Variants in CSMD2 observed in about 807,000 individuals in gnomAD.
The protein encoded by CSMD2 is CUB and Sushi multiple domains 2.
A neutral mutation model predicts 398.5 loss-of-function variants in CSMD2; 130 were observed. The observed-to-expected ratio is 0.33, with a 90% CI of 0.28 to 0.38. CSMD2 has a LOEUF of 0.38. CSMD2 is among the 10% of genes least tolerant of loss of function. The pLI is 1.00. For missense variants in CSMD2, 3,829 were observed against 4,764.9 expected, an observed-to-expected ratio of 0.80 and a Z score of 5.78; for synonymous variants, 1,828 against 1,908.5, an observed-to-expected ratio of 0.96 and a Z score of 1.10.
intron 70 of CSMD2, among the ~76,000 whole-genome samples, chr1:33,517,043 C>A (rs1015122557): frequency 6.6e-6 from 1 of 151,992 alleles, no homozygotes; most frequent in Non-Finnish European, 1.5e-5. Flanking sequence ...TGGCAAACAT[C>A]ATCACACAGC....
intron 5 of CSMD2, among the ~76,000 whole-genome samples, chr1:33,850,619 A>G (rs918159628): frequency 9.9e-5 from 15 of 152,180 alleles, no homozygotes; most frequent in African/African-American, 3.6e-4. Flanking sequence ...AGAGAAACAC[A>G]AAGAGAGATT....
At chr1:34,047,932 A>T (rs1652722793) in intron 2 of CSMD2, among the ~76,000 whole-genome samples, 1 of 152,228 alleles carries the variant, frequency 6.6e-6, no homozygotes, top group Admixed American at 6.5e-5. Context: ...ATGACTGCTT[A>T]ATTACCAGTC....
At position 33,519,388 on chromosome 1, in the gene CSMD2, T is replaced by C. The variant is rs999745624; in HGVS notation, c.*53+77A>G. On this transcript the variant is annotated intron_variant, in intron 70 of 70. Coordinates refer to ENST00000373381, the MANE Select transcript of CSMD2 (RefSeq NM_001281956.2). This position sits in a 1 kb window ranked among gnomAD's most constrained non-coding sequence, Gnocchi z 5.6. ...TGTCTATGTGGTGTGTGCGACTCCG[T>C]TGGGTGGAGCCCCTGGCACGCATAG... is the stretch of plus-strand genomic sequence containing the variant. The C allele has an allele frequency of 2.6e-5, 23 of 870,140 alleles. No individual in the cohort carries two copies. Among genetic ancestry groups the C allele is most frequent in the Admixed American group, 4.4e-5 (2 of 45,510 alleles). 53.9% of individuals were successfully genotyped at this position (870,140 alleles called of 1,614,324 possible). A position where few individuals can be genotyped will look rare whatever the true frequency, so the allele number is the denominator to read the frequency against.
At chr1:34,031,252 G>A (rs930701791) in intron 3 of CSMD2, among the ~76,000 whole-genome samples, 4 of 151,922 alleles carry the variant, frequency 2.6e-5, no homozygotes, top group Admixed American at 1.3e-4. Flanking sequence ...CAGTAGAGAC[G>A]GGATTTTGTC....
chr1:33,557,654 A>ATG, intron 55 of CSMD2, 80 bp downstream of exon 55: 1 of 1,205,214 alleles, frequency 8.3e-7, no homozygotes. Context: ...ACACACACAC[A>ATG]CACACATGCA....
chr1:34,143,854 A>C (rs1639528123), intron 1 of CSMD2, among the ~76,000 whole-genome samples: 1 of 152,150 alleles, frequency 6.6e-6, no homozygotes, highest in Admixed American at 6.5e-5. Flanking sequence ...GCCCGGCCCT[A>C]ATCTGACATC....
intron 5 of CSMD2, among the ~76,000 whole-genome samples, chr1:33,890,059 G>T (rs1040205533): frequency 6.6e-6 from 1 of 150,884 alleles, no homozygotes; most frequent in African/African-American, 2.4e-5. Flanking sequence ...AAAAGAGAAA[G>T]AAATGAATCA....
rs1351794990 is a variant in CSMD2, at chr1:33,514,584, C to T, written c.*2040G>A. 1 of 61,364 alleles carries T rather than the reference C, an allele frequency of 1.6e-5. No individual in the cohort carries two copies. The highest frequency in any genetic ancestry group is 3.1e-5 in the Non-Finnish European group (1 of 31,774). The allele number at this position is 61,364 out of a possible 1,614,324, so 3.8% of individuals were successfully genotyped here. A position where few individuals can be genotyped will look rare whatever the true frequency, so the allele number is the denominator to read the frequency against. On this transcript the variant is annotated 3_prime_UTR_variant, in exon 71 of 71. Transcript: ENST00000373381. ...GGAGACGCAGGGGAGGGGTGGGGGG[C>T]GGGAATAGGCATCCGCTGGGTGGTC...
chr1:34,043,177 GC>G lies in CSMD2; in HGVS notation c.405-10472del, dbSNP rs535944702. Among the ~76,000 whole-genome samples, 282 of 152,258 alleles carry G rather than the reference GC, an allele frequency of 1.9e-3. 1 individual carries two copies. The highest frequency in any genetic ancestry group is 6.6e-3 in the African/African-American group (274 of 41,556). On this transcript the variant is annotated intron_variant, in intron 2 of 70. Transcript: ENST00000373381. The stretch of plus-strand genomic sequence containing the variant: ...CTGACCTCGTGATCCACCTGCCCCA[GC>G]CTCCCTAAGTGCTGGGATTACAGGC...
intron 66 of CSMD2, among the ~76,000 whole-genome samples, chr1:33,524,434 T>C (rs78369363): frequency 0.013 from 1,933 of 152,352 alleles, 44 homozygotes; most frequent in African/African-American, 0.04. Flanking sequence ...TTTTAGAATT[T>C]GGCGTTCATG....
intron 6 of CSMD2, chr1:33,839,984 T>A (rs1311352018): frequency 6.6e-6 from 1 of 152,134 alleles, no homozygotes; most frequent in Non-Finnish European, 1.5e-5. Flanking sequence ...GAAAAAATAA[T>A]CATCAACTCA....
rs752352184 is a variant in CSMD2, at chr1:33,625,112, G to T, written c.5439C>A (p.Ile1813=). Residue 1813 remains isoleucine (I), a synonymous_variant, in exon 34 of 71, where the codon ATC becomes ATA. Transcript: ENST00000373381. ...SGYALQGSPE[I]ECLPVPGALA... ...AGGCCCCAGGCACAGGGAGGCACTC[G>T]ATCTCTGGCGACCCCTGCAGGGCAT... The T allele has an allele frequency of 3.1e-6, 5 of 1,614,088 alleles. No homozygotes were observed. The highest frequency in any genetic ancestry group is 1.1e-5 in the South Asian group (1 of 91,078).
In CSMD2 at chr1:34,061,469, G is replaced by A. The variant is rs181011797; in HGVS notation, c.404+27508C>T. On this transcript the variant is annotated intron_variant, in intron 2 of 70. Transcript: ENST00000373381. Reference sequence around the variant, plus strand: ...CCCTGGCTCCTCTCTAGCACCCAGGGCCACCACTCACTGCTTCTCTGCTAT... The same window carrying A: ...CCCTGGCTCCTCTCTAGCACCCAGGACCACCACTCACTGCTTCTCTGCTAT... Among the ~76,000 whole-genome samples, 159 of 152,118 alleles carry A rather than the reference G, an allele frequency of 1.0e-3. 1 individual carries two copies. In the Middle Eastern group the frequency reaches 0.024, roughly 23 times the overall value.
Position 33,893,486 on chromosome 1 carries a change from A to G in CSMD2, c.920+24608T>C, listed in dbSNP as rs1161734611. Among the ~76,000 whole-genome samples the G allele has an allele frequency of 2.0e-5, 3 of 152,314 alleles. No homozygotes were observed. The East Asian group carries it at 5.8e-4, about 29-fold the overall frequency. On this transcript the variant is annotated intron_variant, in intron 5 of 70. Coordinates refer to ENST00000373381, the MANE Select transcript of CSMD2 (RefSeq NM_001281956.2). ...TAGAGAAGAATGTATCTGAACTCTG[A>G]GCCCTTTTCTTCCTCCCCAGGCTGA...
Position 33,695,053 on chromosome 1 carries a change from C to G in CSMD2, c.3926-1997G>C, listed in dbSNP as rs77636121. On this transcript the variant is annotated intron_variant, in intron 24 of 70. Transcript: ENST00000373381. ...AGGACAGCGAGGGTCAGGGAGGGTGCTGGTCTTAAATGAACCTTGAAGGAG... is the reference window on the plus strand; with the variant it reads ...AGGACAGCGAGGGTCAGGGAGGGTGGTGGTCTTAAATGAACCTTGAAGGAG... 6.1e-4 allele frequency among the ~76,000 whole-genome samples: 93 copies of G among 152,288 alleles called. No individual in the cohort carries two copies. In the East Asian group the frequency reaches 0.012, roughly 20 times the overall value.
intron 25 of CSMD2, among the ~76,000 whole-genome samples, chr1:33,671,866 C>G (rs617090): frequency 0.94 from 143,185 of 152,224 alleles, 67,442 homozygotes; most frequent in African/African-American, 0.98. Context: ...AGTTCTTTTA[C>G]TCTGAAGGAA....
chr1:33,908,303 C>T (rs147775163), intron 5 of CSMD2, among the ~76,000 whole-genome samples: 7 of 152,292 alleles, frequency 4.6e-5, no homozygotes, highest in African/African-American at 1.7e-4. Context: ...GGGCCTTGAA[C>T]ATTCAGAATG....
chr1:33,683,755 C>T (rs1307140540), intron 25 of CSMD2, among the ~76,000 whole-genome samples: 1 of 152,190 alleles, frequency 6.6e-6, no homozygotes, highest in Non-Finnish European at 1.5e-5. Context: ...CTATCCACAT[C>T]CTCTCCTTCA....
chr1:34,026,870 G>A (rs4653377), intron 3 of CSMD2, among the ~76,000 whole-genome samples: 15,545 of 152,140 alleles, frequency 0.1, 879 homozygotes, highest in East Asian at 0.19. Flanking sequence ...GTGACACATG[G>A]CAAGCATCAG....
Sources: gnomAD v4.1 joint callset for allele counts (sites outside exome capture counted in the v4.1 genomes callset) on GRCh38, gnomAD v4.1.1 for gene constraint, Gnocchi (gnomAD v3.1) non-coding constraint, MANE v1.5 for transcripts, NCBI Gene and HGNC (gene_info 2026-07-23, HGNC 2026-07-21) for gene names.